Variants in PTCHD4 observed in about 807,000 individuals in gnomAD.
The protein encoded by PTCHD4 is patched domain containing 4.
In PTCHD4, 33 loss-of-function variants were observed where a neutral mutation model predicts 58.1. That is an observed-to-expected ratio of 0.57 (90% CI 0.43 to 0.76). PTCHD4 has a LOEUF of 0.76. Ranked by LOEUF, PTCHD4 falls within the 30% of genes least tolerant of loss-of-function variation. The pLI is 0.00. For synonymous variants in PTCHD4, 478 were observed against 409.6 expected (o/e 1.17, Z -2.02); for missense variants, 1,058 against 1,027.1 (o/e 1.03, Z -0.41).
At chr6:47,995,341 C>T (rs150149164) in intron 4 of PTCHD4, among the ~76,000 whole-genome samples, 1 of 152,248 alleles carries the variant, frequency 6.6e-6, no homozygotes, top group African/African-American at 2.4e-5. Context: ...GGCATTGGGG[C>T]AGCATTCTTT....
rs143687777 is a variant in PTCHD4, at chr6:47,985,832, C to A, written c.898+22802G>T. ...TGATCTTATATTGAAGTAAATTTTT[C>A]TTTTTAAAATTTTGTTTGCTCTTTT... On this transcript the variant is annotated intron_variant, in intron 4 of 4. Transcript: ENST00000339488. Among the ~76,000 whole-genome samples, 1,122 of 151,012 alleles carry A rather than the reference C, an allele frequency of 7.4e-3. 13 individuals are homozygous for A. Among genetic ancestry groups the A allele is most frequent in the African/African-American group, 0.026 (1,059 of 41,178 alleles).
chr6:47,954,930 T>C (rs1256379472), intron 4 of PTCHD4, among the ~76,000 whole-genome samples: 1 of 152,130 alleles, frequency 6.6e-6, no homozygotes, highest in East Asian at 1.9e-4. Context: ...CCAGCCACCA[T>C]GTTGTGAGGA....
intron 3 of PTCHD4, among the ~76,000 whole-genome samples, chr6:48,062,320 G>A (rs1764658556): frequency 6.6e-6 from 1 of 152,122 alleles, no homozygotes; most frequent in South Asian, 2.1e-4. Context: ...CCATCATGAT[G>A]TGGGTATGTC....
At chr6:48,081,877 C>G (rs944516903) in intron 1 of PTCHD4, among the ~76,000 whole-genome samples, 4 of 152,140 alleles carry the variant, frequency 2.6e-5, no homozygotes, top group Non-Finnish European at 5.9e-5. Context: ...TAATTCATTA[C>G]TAAAGAAAAC....
chr6:47,930,366 TA>T (rs927559753), intron 4 of PTCHD4, among the ~76,000 whole-genome samples: 1 of 152,206 alleles, frequency 6.6e-6, no homozygotes, highest in African/African-American at 2.4e-5. Context: ...ATAAAGTCTG[TA>T]AAACAGACAT....
intron 4 of PTCHD4, among the ~76,000 whole-genome samples, chr6:47,914,933 A>G (rs1765198249): frequency 6.6e-6 from 1 of 152,104 alleles, no homozygotes; most frequent in South Asian, 2.1e-4. Flanking sequence ...TATACTATTT[A>G]TCATAATGTT....
At chr6:48,006,235 C>T (rs1351021766) in intron 4 of PTCHD4, among the ~76,000 whole-genome samples, 1 of 150,950 alleles carries the variant, frequency 6.6e-6, no homozygotes, top group Non-Finnish European at 1.5e-5. Flanking sequence ...GGGAGAGGTG[C>T]AAAGTGTGTG....
chr6:48,001,272 G>A (rs1314961851), intron 4 of PTCHD4, among the ~76,000 whole-genome samples: 1 of 152,068 alleles, frequency 6.6e-6, no homozygotes, highest in Non-Finnish European at 1.5e-5. Context: ...AGTTCATATG[G>A]AACCAAAAAA....
chr6:47,953,327 G>T (rs1766727619), intron 4 of PTCHD4, among the ~76,000 whole-genome samples: 1 of 152,086 alleles, frequency 6.6e-6, no homozygotes, highest in South Asian at 2.1e-4. Context: ...GCTTTGTGGG[G>T]AAAATGATTT....
chr6:47,894,180 G>C (rs541236697), intron 4 of PTCHD4, among the ~76,000 whole-genome samples: 1 of 152,330 alleles, frequency 6.6e-6, no homozygotes, highest in South Asian at 2.1e-4. Context: ...GATGAGTACA[G>C]TACAGGCTTC....
At chr6:48,018,898 C>T (rs1455438292) in intron 3 of PTCHD4, among the ~76,000 whole-genome samples, 3 of 152,168 alleles carry the variant, frequency 2.0e-5, no homozygotes, top group Non-Finnish European at 4.4e-5. Flanking sequence ...ATAATGTCCC[C>T]CTTCAGTAGA....
chr6:47,891,767 T>G (rs1764388733), intron 4 of PTCHD4, among the ~76,000 whole-genome samples: 1 of 152,180 alleles, frequency 6.6e-6, no homozygotes, highest in Non-Finnish European at 1.5e-5. Flanking sequence ...GGGTTTTTCC[T>G]CATTGTAATT....
intron 4 of PTCHD4, among the ~76,000 whole-genome samples, chr6:47,927,593 C>A (rs1252766870): frequency 6.6e-6 from 1 of 152,142 alleles, no homozygotes; most frequent in Non-Finnish European, 1.5e-5. Flanking sequence ...GAACATTCTA[C>A]TAAAACTTAG....
intron 4 of PTCHD4, among the ~76,000 whole-genome samples, chr6:47,886,314 A>C (rs1238857480): frequency 6.6e-6 from 1 of 152,056 alleles, no homozygotes; most frequent in Non-Finnish European, 1.5e-5. Flanking sequence ...TTTCTTTGCT[A>C]TGTTGCTTTA....
At chr6:48,025,486 G>T (rs1428598089) in intron 3 of PTCHD4, among the ~76,000 whole-genome samples, 1 of 152,156 alleles carries the variant, frequency 6.6e-6, no homozygotes, top group Non-Finnish European at 1.5e-5. Flanking sequence ...CTATAATTTT[G>T]CAAGTAGTCA....
intron 4 of PTCHD4, among the ~76,000 whole-genome samples, chr6:47,992,874 C>T (rs1358863655): frequency 6.6e-6 from 1 of 152,052 alleles, no homozygotes; most frequent in Non-Finnish European, 1.5e-5. Flanking sequence ...AGATGTATGT[C>T]AACCTTGAAA....
intron 4 of PTCHD4, among the ~76,000 whole-genome samples, chr6:47,980,608 C>T (rs575859819): frequency 6.6e-6 from 1 of 151,872 alleles, no homozygotes; most frequent in African/African-American, 2.4e-5. Context: ...TTATCACATC[C>T]TTTTCTTTAA....
intron 4 of PTCHD4, among the ~76,000 whole-genome samples, chr6:47,991,173 C>T (rs1233328979): frequency 1.3e-5 from 2 of 151,948 alleles, no homozygotes; most frequent in African/African-American, 2.4e-5. Flanking sequence ...TCAATGAATC[C>T]TCAGTGAGAC....
At chr6:48,024,785 A>G (rs1195675222) in intron 3 of PTCHD4, among the ~76,000 whole-genome samples, 1 of 152,050 alleles carries the variant, frequency 6.6e-6, no homozygotes, top group Non-Finnish European at 1.5e-5. Flanking sequence ...TAAGAACCAA[A>G]CCTCCTGATT....
Sources: allele counts gnomAD v4.1 joint callset (sites outside exome capture counted in the v4.1 genomes callset), GRCh38; gene constraint gnomAD v4.1.1; transcripts MANE v1.5; gene names NCBI Gene and HGNC (gene_info 2026-07-23, HGNC 2026-07-21).